CACNA2D3: variants seen among roughly 807,000 people sequenced by gnomAD.
CACNA2D3 encodes the protein voltage-dependent calcium channel subunit alpha-2/delta-3.
Under a neutral mutation model 160.6 loss-of-function variants are expected in CACNA2D3, and 60 were observed. The observed-to-expected ratio is 0.37, with a 90% CI of 0.30 to 0.46. The LOEUF (loss-of-function observed/expected upper bound fraction) is 0.46, where lower values mean the gene tolerates loss of function less well. Among genes scored for constraint, CACNA2D3 ranks in the 20% least tolerant of loss-of-function variants. The probability of loss-of-function intolerance (pLI) is 1.00; values close to 1 mark genes in which losing one functional copy is unlikely to be tolerated. For synonymous variants in CACNA2D3, 558 were observed against 492.9 expected (o/e 1.13, Z -1.75); for missense variants, 1,205 against 1,365.0 (o/e 0.88, Z 1.85).
At position 55,027,231 on chromosome 3, in the gene CACNA2D3, A is replaced by G. The variant is rs377674873; in HGVS notation, c.2987+8914A>G. On this transcript the variant is annotated intron_variant, in intron 35 of 37. Transcript: ENST00000474759. ...AAAGGACCCATAAACAGTTTCGTTG[A>G]GTGCTTTTGAAGAGTGGAACCCTTT... Among the ~76,000 whole-genome samples the G allele has an allele frequency of 2.6e-5, 4 of 152,190 alleles. No individual in the cohort carries two copies. The East Asian group carries it at 7.7e-4, about 29-fold the overall frequency.
At chr3:54,836,227 T>C (rs201284893) in intron 14 of CACNA2D3, among the ~76,000 whole-genome samples, 7 of 122,664 alleles carry the variant, frequency 5.7e-5, no homozygotes, top group African/African-American at 1.9e-4. Context: ...TTTTTTTTTC[T>C]TTTTTTTTTT....
At chr3:54,633,144 G>A (rs962582140) in intron 10 of CACNA2D3, among the ~76,000 whole-genome samples, 1 of 152,158 alleles carries the variant, frequency 6.6e-6, no homozygotes, top group African/African-American at 2.4e-5. Context: ...AACCCTAAAA[G>A]GGATGGAGGA....
At chr3:54,797,217 C>G (rs947699154) in intron 13 of CACNA2D3, among the ~76,000 whole-genome samples, 1 of 152,164 alleles carries the variant, frequency 6.6e-6, no homozygotes, top group African/African-American at 2.4e-5. Context: ...CAACAAGAGA[C>G]ACAGGGTTGT....
intron 35 of CACNA2D3, among the ~76,000 whole-genome samples, chr3:55,029,810 CACTTA>C (rs1489280077): frequency 6.6e-6 from 1 of 152,122 alleles, no homozygotes; most frequent in Non-Finnish European, 1.5e-5. Flanking sequence ...GTTTTTTAAC[CACTTA>C]ACTTGCAAGC....
At chr3:54,410,002 C>G (rs1002793842) in intron 4 of CACNA2D3, among the ~76,000 whole-genome samples, 1 of 152,154 alleles carries the variant, frequency 6.6e-6, no homozygotes, top group Non-Finnish European at 1.5e-5. Flanking sequence ...ACATATAAGG[C>G]TGATGCAACA....
intron 14 of CACNA2D3, among the ~76,000 whole-genome samples, chr3:54,826,516 C>CA (rs1357855455): frequency 1.2e-4 from 18 of 152,254 alleles, no homozygotes; most frequent in African/African-American, 4.1e-4. Context: ...AGAAATGACT[C>CA]ACGAAATTGA....
chr3:54,344,684 C>G (rs1032023198), intron 3 of CACNA2D3, among the ~76,000 whole-genome samples: 2 of 152,076 alleles, frequency 1.3e-5, no homozygotes, highest in Non-Finnish European at 2.9e-5. Flanking sequence ...AGGGGAGTGT[C>G]TCAGTTTCCC....
chr3:54,231,894 CA>C (rs1284219843), intron 2 of CACNA2D3, among the ~76,000 whole-genome samples: 1 of 152,154 alleles, frequency 6.6e-6, no homozygotes, highest in Non-Finnish European at 1.5e-5. Context: ...GGGGAGTTCA[CA>C]AGAACCCAGG....
At chr3:54,166,577 T>C (rs1324364252) in intron 2 of CACNA2D3, among the ~76,000 whole-genome samples, 2 of 152,218 alleles carry the variant, frequency 1.3e-5, no homozygotes, top group Admixed American at 6.5e-5. Flanking sequence ...TTTGGTAATG[T>C]GGGGAAGATA....
intron 16 of CACNA2D3, among the ~76,000 whole-genome samples, chr3:54,841,970 C>T (rs1698829204): frequency 6.6e-6 from 1 of 152,190 alleles, no homozygotes; most frequent in Admixed American, 6.5e-5. Context: ...TACTCCATGG[C>T]ACTGTACATT....
chr3:54,921,907 T>G lies in CACNA2D3; in HGVS notation c.2449+22039T>G, dbSNP rs147664057. ...TACCTGTAGTGTTTGCATTTGTTTA[T>G]ATATCTTTTTTTAAAAGAAGATCTT... is the stretch of plus-strand genomic sequence containing the variant. On this transcript the variant is annotated intron_variant, in intron 27 of 37. Transcript: ENST00000474759. Among the ~76,000 whole-genome samples, 543 of 149,102 alleles carry G rather than the reference T, an allele frequency of 3.6e-3. 2 individuals carry two copies. Among genetic ancestry groups the G allele is most frequent in the Admixed American group, 5.3e-3 (80 of 14,972 alleles).
intron 9 of CACNA2D3, among the ~76,000 whole-genome samples, chr3:54,598,751 TG>T (rs1245611114): frequency 6.6e-6 from 1 of 152,168 alleles, no homozygotes; most frequent in Non-Finnish European, 1.5e-5. Flanking sequence ...CTAATGATAA[TG>T]GGGATTTTAG....
chr3:54,620,153 A>ACAG (rs1698951898), intron 9 of CACNA2D3, among the ~76,000 whole-genome samples: 1 of 152,200 alleles, frequency 6.6e-6, no homozygotes. Flanking sequence ...GGGCATCAGA[A>ACAG]TAGGGTGGAC....
intron 31 of CACNA2D3, among the ~76,000 whole-genome samples, chr3:54,992,493 T>C (rs2107116933): frequency 6.6e-6 from 1 of 152,218 alleles, no homozygotes; most frequent in Admixed American, 6.5e-5. Context: ...ATGAATCATA[T>C]CACAAAGTGA....
chr3:54,383,014 A>T (rs1416217098), intron 3 of CACNA2D3, among the ~76,000 whole-genome samples: 1 of 151,762 alleles, frequency 6.6e-6, no homozygotes, highest in East Asian at 1.9e-4. Context: ...CGCCTGGCTA[A>T]TTTTTGTATT....
chr3:54,635,161 A>G (rs986128464), intron 10 of CACNA2D3, among the ~76,000 whole-genome samples: 9 of 151,924 alleles, frequency 5.9e-5, no homozygotes, highest in African/African-American at 1.7e-4. Flanking sequence ...TTTGTTGTAT[A>G]GAATGATTGG....
intron 5 of CACNA2D3, among the ~76,000 whole-genome samples, chr3:54,551,070 T>C (rs1009490643): frequency 5.9e-5 from 9 of 152,216 alleles, no homozygotes; most frequent in African/African-American, 2.2e-4. Context: ...CTCTTGAGAT[T>C]GAGGACAGAC....
chr3:54,124,057 C>A (rs1699536863), intron 2 of CACNA2D3, among the ~76,000 whole-genome samples: 2 of 152,178 alleles, frequency 1.3e-5, no homozygotes, highest in Admixed American at 1.3e-4. Context: ...GTTGTACAAT[C>A]CCATTATTCC....
intron 2 of CACNA2D3, among the ~76,000 whole-genome samples, chr3:54,136,045 C>T (rs1245901021): frequency 1.3e-5 from 2 of 152,196 alleles, no homozygotes; most frequent in Non-Finnish European, 2.9e-5. Flanking sequence ...TTCAAAGCTA[C>T]CCAGCTGATC....
Sources: allele counts gnomAD v4.1 joint callset (sites outside exome capture counted in the v4.1 genomes callset), GRCh38; gene constraint gnomAD v4.1.1; transcripts MANE v1.5; gene names NCBI Gene and HGNC (gene_info 2026-07-23, HGNC 2026-07-21).